The following CPNE8 variants were observed in gnomAD, a reference collection of about 807,000 sequenced individuals.
CPNE8 encodes copine 8.
CPNE8 carries 45 observed loss-of-function variants against 81.5 expected under a neutral mutation model. The ratio of observed to expected loss-of-function variants is 0.55; its 90% CI spans 0.44 to 0.71. The LOEUF is 0.71. Ranked by LOEUF, CPNE8 falls within the 30% of genes least tolerant of loss-of-function variation. The pLI is 0.00. For synonymous variants in CPNE8, 252 were observed against 226.3 expected (o/e 1.11, Z -1.02); for missense variants, 594 against 672.1 (o/e 0.88, Z 1.28).
At chr12:38,874,592 T>C (rs1592149579) in intron 1 of CPNE8, 81 bp from the exon 2 acceptor site, 2 of 834,320 alleles carry the variant, frequency 2.4e-6, no homozygotes, top group East Asian at 5.5e-5. Context: ...AATGTGTATG[T>C]ACATAATTGT....
intron 10 of CPNE8, among the ~76,000 whole-genome samples, chr12:38,731,252 A>G (rs891301895): frequency 1.1e-4 from 17 of 151,976 alleles, no homozygotes; most frequent in Non-Finnish European, 2.5e-4. Flanking sequence ...GGGATGTCAC[A>G]GTAGCCATTT....
In CPNE8 at chr12:38,829,418, A is replaced by G. The variant is rs1376626077; in HGVS notation, c.368T>C (p.Ile123Thr). 2.5e-6 allele frequency: 4 copies of G among 1,613,458 alleles called. No individual in the cohort carries two copies. The highest frequency in any genetic ancestry group is 2.2e-5 in the South Asian group (2 of 91,064). The change falls in exon 6 of 20, where the codon ATC becomes ACC. Residue 123 changes from isoleucine (I) to threonine (T), a missense_variant. Ile to Thr is a moderately conservative substitution (Grantham distance 89). Coordinates refer to ENST00000331366, the MANE Select transcript of CPNE8 (RefSeq NM_153634.3). ...LGQVFCTLGE[I>T]VGSQGSRLEK... The stretch of plus-strand genomic sequence containing the variant: ...CAGGCGACTTCCCTGTGAACCAACG[A>G]TCTCTCCCAATGTACAAAACACTTG...
chr12:38,675,859 C>T, intron 17 of CPNE8, 85 bp from the exon 18 acceptor site: 2 of 893,342 alleles, frequency 2.2e-6, no homozygotes, highest in East Asian at 2.5e-5. Context: ...ATATCTCACT[C>T]TTGAAATCCC....
At chr12:38,689,316 C>T (rs1419168976) in intron 15 of CPNE8, among the ~76,000 whole-genome samples, 1 of 152,192 alleles carries the variant, frequency 6.6e-6, no homozygotes, top group East Asian at 1.9e-4. Flanking sequence ...CATTTTTCCT[C>T]CCGTTTAGCT....
intron 13 of CPNE8, among the ~76,000 whole-genome samples, chr12:38,715,180 G>T (rs560553287): frequency 1.3e-5 from 2 of 152,136 alleles, no homozygotes; most frequent in South Asian, 4.1e-4. Flanking sequence ...CAAAATTGCT[G>T]AACAGTTCAC....
At chr12:38,708,017 T>A (rs1940156902) in intron 13 of CPNE8, among the ~76,000 whole-genome samples, 1 of 152,242 alleles carries the variant, frequency 6.6e-6, no homozygotes, top group Non-Finnish European at 1.5e-5. Flanking sequence ...CAGCATTTTA[T>A]CATTGAATTC....
intron 6 of CPNE8, among the ~76,000 whole-genome samples, chr12:38,809,841 T>A (rs1397788996): frequency 6.6e-6 from 1 of 152,142 alleles, no homozygotes; most frequent in Admixed American, 6.6e-5. Flanking sequence ...CCTGTGGCTG[T>A]AAAGAAACAG....
At chr12:38,857,625 G>A (rs1592140488) in intron 3 of CPNE8, among the ~76,000 whole-genome samples, 1 of 152,140 alleles carries the variant, frequency 6.6e-6, no homozygotes, top group African/African-American at 2.4e-5. Context: ...AAAAATAAGA[G>A]GGTTAGGCTA....
chr12:38,791,338 C>A (rs1358753946), intron 6 of CPNE8, among the ~76,000 whole-genome samples: 2 of 151,284 alleles, frequency 1.3e-5, no homozygotes, highest in East Asian at 1.9e-4. Context: ...ACTTATGAAA[C>A]ACAGACTAAA....
At chr12:38,858,052 A>G (rs757675999) in intron 3 of CPNE8, among the ~76,000 whole-genome samples, 11 of 152,354 alleles carry the variant, frequency 7.2e-5, no homozygotes, top group Middle Eastern at 3.4e-3. Flanking sequence ...AACTCTGGTC[A>G]GCTTTATAAC....
At chr12:38,854,375 A>G (rs1943694442) in intron 3 of CPNE8, among the ~76,000 whole-genome samples, 1 of 115,102 alleles carries the variant, frequency 8.7e-6, no homozygotes, top group Non-Finnish European at 1.7e-5. Flanking sequence ...ATAATACGAA[A>G]CTCACTTTAT....
chr12:38,675,290 GTTAACA>G (rs1939263145), intron 18 of CPNE8, among the ~76,000 whole-genome samples: 1 of 152,126 alleles, frequency 6.6e-6, no homozygotes, highest in Admixed American at 6.6e-5. Context: ...TTATGCTTAT[GTTAACA>G]TTTCTTTTCA....
intron 6 of CPNE8, among the ~76,000 whole-genome samples, chr12:38,809,126 A>T (rs1321001607): frequency 2.6e-5 from 4 of 152,186 alleles, no homozygotes; most frequent in African/African-American, 9.6e-5. Flanking sequence ...AAAATAAATT[A>T]TCTCAAGTTT....
rs1565657212 is a variant in CPNE8 at position 38,873,372 on chromosome 12, G to A, written c.140-322C>T. Among the ~76,000 whole-genome samples, 4 of 152,238 alleles carry A rather than the reference G, an allele frequency of 2.6e-5. No individual in the cohort carries two copies. The South Asian group carries it at 8.3e-4, about 32-fold the overall frequency. On this transcript the variant is annotated intron_variant, in intron 2 of 19. Transcript: ENST00000331366. ...TAAACAATTTGAAATATTTCATTAT[G>A]TTGTGAAAAACAAGCCAAGCTCTCC... is the stretch of plus-strand genomic sequence containing the variant.
At chr12:38,797,031 C>T (rs1942498519) in intron 6 of CPNE8, among the ~76,000 whole-genome samples, 1 of 152,186 alleles carries the variant, frequency 6.6e-6, no homozygotes, top group African/African-American at 2.4e-5. Context: ...CTTAGGTAAA[C>T]AAAGCAGCCG....
chr12:38,736,091 G>C (rs987777188), intron 10 of CPNE8, among the ~76,000 whole-genome samples: 9 of 151,606 alleles, frequency 5.9e-5, no homozygotes. Flanking sequence ...GGAGAACTAG[G>C]CTAATTTTAT....
In CPNE8 at chr12:38,692,335, A is replaced by C. The variant is rs1939696649; in HGVS notation, c.1143+1322T>G. Among the ~76,000 whole-genome samples, 4 of 152,164 alleles carry C rather than the reference A, an allele frequency of 2.6e-5. No homozygotes were observed. The South Asian group carries it at 8.3e-4, about 32-fold the overall frequency. On this transcript the variant is annotated intron_variant, in intron 15 of 19. Transcript: ENST00000331366. ...AATAAACCAAAAAAAAAAGTAAGGC[A>C]CAAATCCTTCCTTAAGAATACAGGT...
chr12:38,753,860 T>A (rs1592061912), intron 10 of CPNE8, among the ~76,000 whole-genome samples: 1 of 152,180 alleles, frequency 6.6e-6, no homozygotes, highest in South Asian at 2.1e-4. Flanking sequence ...AACGTCAGTA[T>A]GTACGTATAA....
At chr12:38,748,254 G>T (rs890309064) in intron 10 of CPNE8, among the ~76,000 whole-genome samples, 1 of 151,596 alleles carries the variant, frequency 6.6e-6, no homozygotes, top group Admixed American at 6.6e-5. Flanking sequence ...CAAGTGATCC[G>T]CCTGCCGCAG....
Sources: allele counts gnomAD v4.1 joint callset (sites outside exome capture counted in the v4.1 genomes callset), GRCh38; gene constraint gnomAD v4.1.1; transcripts MANE v1.5; gene names NCBI Gene and HGNC (gene_info 2026-07-23, HGNC 2026-07-21).